Variants in CRHR2 observed in about 807,000 individuals in gnomAD.
The protein encoded by CRHR2 is corticotropin-releasing hormone receptor 2.
A neutral mutation model predicts 57.9 loss-of-function variants in CRHR2; 53 were observed. The observed-to-expected ratio is 0.92, with a 90% CI of 0.73 to 1.15. The LOEUF is 1.15. Ranked by LOEUF, CRHR2 falls within the 50% of genes most tolerant of loss-of-function variation. CRHR2 has a pLI of 0.00. For synonymous variants in CRHR2, 213 were observed against 220.9 expected (o/e 0.96, Z 0.32); for missense variants, 532 against 542.6 (o/e 0.98, Z 0.19).
rs998686682 is a variant in CRHR2 at position 30,665,752 on chromosome 7, A to T, written c.316-113T>A. The T allele has an allele frequency of 3.7e-6, 3 of 820,222 alleles. No individual in the cohort carries two copies. In the African/African-American group the frequency reaches 5.1e-5, roughly 14 times the overall value. 50.8% of individuals were successfully genotyped at this position (820,222 alleles called of 1,614,324 possible). A position where few individuals can be genotyped will look rare whatever the true frequency, so the allele number is the denominator to read the frequency against. On this transcript the variant is annotated intron_variant, in intron 3 of 11. Coordinates refer to ENST00000471646, the MANE Select transcript of CRHR2 (RefSeq NM_001883.5). This position sits in a 1 kb window ranked among gnomAD's most constrained non-coding sequence, Gnocchi z 4.5. ...CTGACCTTGGGGGCAGAAGTGCTCC[A>T]GGTGTCATTGCCGTGCCTGGCTCTT...
chr7:30,664,628 C>A (rs1465844778), intron 5 of CRHR2, among the ~76,000 whole-genome samples: 1 of 152,104 alleles, frequency 6.6e-6, no homozygotes, highest in East Asian at 1.9e-4. Context: ...CTGCTCCTCC[C>A]AGCCCAGCTC....
chr7:30,663,204 A>G (rs1784080006), intron 5 of CRHR2, among the ~76,000 whole-genome samples: 1 of 152,022 alleles, frequency 6.6e-6, no homozygotes, highest in Non-Finnish European at 1.5e-5. Flanking sequence ...TTTTTGAGTC[A>G]TTTTCAATCC....
At chr7:30,669,181 A>G (rs886337642) in intron 2 of CRHR2, among the ~76,000 whole-genome samples, 10 of 152,228 alleles carry the variant, frequency 6.6e-5, no homozygotes, top group African/African-American at 2.2e-4. Flanking sequence ...TTTATCTTCT[A>G]TATGTTCATA....
chr7:30,691,379 C>A (rs1296891143), intron 1 of CRHR2, among the ~76,000 whole-genome samples: 1 of 152,242 alleles, frequency 6.6e-6, no homozygotes, highest in Non-Finnish European at 1.5e-5. Flanking sequence ...TTAGTGCCTT[C>A]TCTCAAAGCC....
At position 30,659,805 on chromosome 7, in the gene CRHR2, T is replaced by G. The variant is rs200392842; in HGVS notation, c.831+768A>C. ...GTGCAGGAGGAGATGGCACTCTCGC[T>G]GAGTCTCCCAGAAGGAACTGTGGCC... On this transcript the variant is annotated intron_variant, in intron 8 of 11. Transcript: ENST00000471646. 1.6e-4 allele frequency among the ~76,000 whole-genome samples: 25 copies of G among 152,376 alleles called. 1 individual carries two copies. The highest frequency in any genetic ancestry group is 8.3e-4 in the South Asian group (4 of 4,828).
Position 30,662,844 on chromosome 7 carries a change from A to G in CRHR2, c.547T>C (p.Trp183Arg), listed in dbSNP as rs1162899185. Residue 183 changes from tryptophan (W) to arginine (R), a missense_variant, in exon 6 of 12, where the codon TGG (tryptophan) becomes CGG (arginine). Transcript: ENST00000471646. ...DHEVHESNEV[W>R]CRCITTIFNY... ...AAGATGGTGGTGATGCAGCGGCACC[A>G]GACCTGTGTGCAGGGCAGAGAGGCT... 1.9e-6 allele frequency: 3 copies of G among 1,614,120 alleles called. No homozygotes were observed. The highest frequency in any genetic ancestry group is 1.7e-6 in the Non-Finnish European group (2 of 1,179,958).
At position 30,655,951 on chromosome 7, in the gene CRHR2, G is replaced by A. The variant is rs371400723; in HGVS notation, c.893C>T (p.Thr298Ile). ...CCTGTACTGGATTGTCTCGGATGTG[G>A]TGGACGCGCGTAACTTTGTCATTAG... is the stretch of plus-strand genomic sequence containing the variant. The part of the protein sequence containing the change: ...RILMTKLRAS[T>I]TSETIQYRKA... Residue 298 changes from threonine to isoleucine, a missense_variant, in exon 9 of 12, where the codon ACC (threonine) becomes ATC (isoleucine). Thr to Ile is a moderately conservative substitution (Grantham distance 89). Coordinates refer to ENST00000471646, the MANE Select transcript of CRHR2 (RefSeq NM_001883.5). 1.2e-5 allele frequency: 19 copies of A among 1,613,994 alleles called. No homozygotes were observed. Among genetic ancestry groups the A allele is most frequent in the African/African-American group, 5.3e-5 (4 of 74,910 alleles).
chr7:30,681,866 T>G (rs760368795), intron 2 of CRHR2, 49 bp downstream of exon 2: 1 of 1,575,718 alleles, frequency 6.3e-7, no homozygotes, highest in South Asian at 1.2e-5. Flanking sequence ...CTAAACCGCC[T>G]TCTCAGGAGG....
At chr7:30,686,738 CT>C, upstream of CRHR2, 1 of 365,456 alleles carries the variant, frequency 2.7e-6, no homozygotes, top group Non-Finnish European at 5.2e-6. Flanking sequence ...GTAGCTGCCT[CT>C]GTGATGAATA....
At chr7:30,671,889 G>A (rs1784372242) in intron 2 of CRHR2, among the ~76,000 whole-genome samples, 1 of 134,764 alleles carries the variant, frequency 7.4e-6, no homozygotes, top group Non-Finnish European at 1.5e-5. Context: ...AGGAGGAGGA[G>A]GAGGAGAAGA....
rs551762941 is a variant in CRHR2, at chr7:30,656,866, G to T, written c.832-854C>A. Among the ~76,000 whole-genome samples, 13 of 152,292 alleles carry T rather than the reference G, an allele frequency of 8.5e-5. No homozygotes were observed. Among genetic ancestry groups the T allele is most frequent in the Admixed American group, 4.6e-4 (7 of 15,300 alleles). ...ATCCTTTAAGCACTTGTGCAAGTGT[G>T]TTTGCCTCACAGAGCGTGTGCATGT... On this transcript the variant is annotated intron_variant, in intron 8 of 11. Transcript: ENST00000471646. The surrounding 1 kb of genome is among the most constrained non-coding windows in gnomAD (Gnocchi z 4.4).
intron 5 of CRHR2, among the ~76,000 whole-genome samples, chr7:30,663,977 G>A (rs1313792995): frequency 6.6e-6 from 1 of 152,218 alleles, no homozygotes; most frequent in Non-Finnish European, 1.5e-5. Context: ...CAGTCCCTGT[G>A]GCTGGCTGTC....
At chr7:30,684,279 C>T (rs889062158), upstream of CRHR2, among the ~76,000 whole-genome samples, 4 of 152,228 alleles carry the variant, frequency 2.6e-5, no homozygotes, top group African/African-American at 9.6e-5. Context: ...CAGGTCAGCC[C>T]ATGTATTCAC....
chr7:30,686,063 C>T (rs2128149871), upstream of CRHR2, among the ~76,000 whole-genome samples: 1 of 152,342 alleles, frequency 6.6e-6, no homozygotes, highest in Admixed American at 6.5e-5. Flanking sequence ...CGTCCCCCAT[C>T]CTCACCCTCC....
Position 30,655,971 on chromosome 7 carries a change from C to G in CRHR2, c.873G>C (p.Met291Ile). 5 of 1,611,090 alleles carry G rather than the reference C, an allele frequency of 3.1e-6. No individual in the cohort carries two copies. The highest frequency in any genetic ancestry group is 4.2e-6 in the Non-Finnish European group (5 of 1,178,170). Reference protein sequence around the residue: ...VFLFNIVRILMTKLRASTTSE... With the variant: ...VFLFNIVRILITKLRASTTSE... ...ATGTGGTGGACGCGCGTAACTTTGT[C>G]ATTAGGATCCTGACGATGTTGAACA... The change falls in exon 9 of 12, where the codon ATG becomes ATC. Residue 291 changes from methionine (M) to isoleucine (I), a missense_variant. Transcript: ENST00000471646.
chr7:30,692,097 G>A (rs1052443754), intron 1 of CRHR2, among the ~76,000 whole-genome samples: 7 of 152,188 alleles, frequency 4.6e-5, no homozygotes, highest in African/African-American at 1.7e-4. Flanking sequence ...TTAAAATGGG[G>A]ATAATACAAA....
chr7:30,674,840 A>G (rs1269540093), intron 2 of CRHR2, among the ~76,000 whole-genome samples: 5 of 152,008 alleles, frequency 3.3e-5, no homozygotes, highest in Admixed American at 2.0e-4. Flanking sequence ...CTACCCAAGG[A>G]CATGATGGCC....
At position 30,653,110 on chromosome 7, in the gene CRHR2, CT is replaced by C. The variant is rs1370958075; in HGVS notation, c.*349del. ...TGAGTAGGGCAGGGGAGCCCTGTGT[CT>C]GCTACTATAAATAGCTGTGTGTGTT... On this transcript the variant is annotated 3_prime_UTR_variant, in exon 12 of 12. Transcript: ENST00000471646. This position sits in a 1 kb window ranked among gnomAD's most constrained non-coding sequence, Gnocchi z 5.0. 1.4e-5 allele frequency: 3 copies of C among 220,506 alleles called. No homozygotes were observed. Among genetic ancestry groups the C allele is most frequent in the South Asian group, 1.8e-4 (2 of 10,904 alleles). 13.7% of individuals were successfully genotyped at this position (220,506 alleles called of 1,614,324 possible).
intron 6 of CRHR2, 27 bp from the exon 7 acceptor site, chr7:30,662,243 A>G (rs1784031902): frequency 1.2e-6 from 2 of 1,613,494 alleles, no homozygotes; most frequent in South Asian, 2.2e-5. Context: ...CTTGGGCTGC[A>G]GGGGACAGAT....
Sources: allele counts gnomAD v4.1 joint callset (sites outside exome capture counted in the v4.1 genomes callset), GRCh38; gene constraint gnomAD v4.1.1; non-coding constraint Gnocchi (gnomAD v3.1); transcripts MANE v1.5; gene names NCBI Gene and HGNC (gene_info 2026-07-23, HGNC 2026-07-21).